SMIM36: variants seen among roughly 807,000 people sequenced by gnomAD.
SMIM36 encodes small integral membrane protein 36.
chr17:55,522,729 T>C, the SMIM36 span, among the ~76,000 whole-genome samples: 1 of 152,142 alleles, frequency 6.6e-6, no homozygotes, highest in Non-Finnish European at 1.5e-5. Context: ...GGCCACTCCT[T>C]TTCTCCTTTA....
chr17:55,472,754 G>A lies in SMIM36; in HGVS notation c.*348-5426C>T, dbSNP rs527323805. ...GGTGTGGTGGCGGACAACTGTCCCA[G>A]CTACTCGGGAGGCTGAGGCAGGAGA... is the stretch of plus-strand genomic sequence containing the variant. On this transcript the variant is annotated intron_variant, in intron 3 of 4. Coordinates refer to ENST00000636752, the Ensembl canonical transcript of SMIM36. Among the ~76,000 whole-genome samples the A allele has an allele frequency of 9.1e-4, 138 of 151,984 alleles. 1 individual carries two copies. Among genetic ancestry groups the A allele is most frequent in the South Asian group, 6.2e-4 (3 of 4,808 alleles).
chr17:55,464,876 T>C lies in SMIM36; in HGVS notation c.*531+2269A>G, dbSNP rs139162563. On this transcript the variant is annotated intron_variant, in intron 4 of 4. Coordinates refer to ENST00000636752, the Ensembl canonical transcript of SMIM36. The stretch of plus-strand genomic sequence containing the variant: ...GAGCAGGTGTGCCTTGTCTTAACAT[T>C]GTATCCATTCCAGTATCTTTAGTCC... 2.4e-3 allele frequency among the ~76,000 whole-genome samples: 368 copies of C among 152,376 alleles called. 3 individuals are homozygous for C. The highest frequency in any genetic ancestry group is 8.6e-3 in the African/African-American group (357 of 41,598).
At chr17:55,493,114 C>A (rs1309790538) in intron 1 of SMIM36, among the ~76,000 whole-genome samples, 1 of 152,218 alleles carries the variant, frequency 6.6e-6, no homozygotes, top group Non-Finnish European at 1.5e-5. Context: ...CCCTGATCAA[C>A]AACAATGCTG....
chr17:55,521,898 T>C, the SMIM36 span, among the ~76,000 whole-genome samples: 3 of 151,320 alleles, frequency 2.0e-5, no homozygotes, highest in African/African-American at 7.3e-5. Context: ...CCTCCCAACT[T>C]GATTAATGCA....
chr17:55,492,653 A>G (rs889677022), intron 1 of SMIM36, among the ~76,000 whole-genome samples: 5 of 151,992 alleles, frequency 3.3e-5, no homozygotes, highest in African/African-American at 9.7e-5. Flanking sequence ...AAAAACACAC[A>G]CACATCAATT....
At chr17:55,525,154 T>C in the SMIM36 span, among the ~76,000 whole-genome samples, 1 of 152,338 alleles carries the variant, frequency 6.6e-6, no homozygotes, top group Admixed American at 6.5e-5. Context: ...CAGAAGGCTT[T>C]CTTCTGTAAC....
chr17:55,482,733 T>C (rs1288905348), intron 1 of SMIM36, among the ~76,000 whole-genome samples: 1 of 152,186 alleles, frequency 6.6e-6, no homozygotes, highest in Non-Finnish European at 1.5e-5. Context: ...ATTGCTGACA[T>C]AGAGAATTAG....
At chr17:55,507,424 T>C (rs1041001210) in intron 1 of SMIM36, among the ~76,000 whole-genome samples, 3 of 128,754 alleles carry the variant, frequency 2.3e-5, no homozygotes, top group African/African-American at 9.3e-5. Context: ...TCATGTCCTT[T>C]GTAGGGACAT....
At chr17:55,474,326 C>T (rs926714952) in intron 3 of SMIM36, among the ~76,000 whole-genome samples, 11 of 152,192 alleles carry the variant, frequency 7.2e-5, no homozygotes, top group African/African-American at 2.4e-4. Flanking sequence ...AGCATCCCTG[C>T]AGGGGACTAC....
At chr17:55,524,680 T>TAAGG in the SMIM36 span, among the ~76,000 whole-genome samples, 1 of 152,140 alleles carries the variant, frequency 6.6e-6, no homozygotes. Flanking sequence ...TAAAAGTTTC[T>TAAGG]AAGGGTCCAG....
At chr17:55,496,311 G>C (rs781169175) in intron 1 of SMIM36, among the ~76,000 whole-genome samples, 1 of 152,110 alleles carries the variant, frequency 6.6e-6, no homozygotes. Context: ...AGGCCACCAG[G>C]CTGGCAATGC....
the SMIM36 span, among the ~76,000 whole-genome samples, chr17:55,521,762 T>C: frequency 6.6e-6 from 1 of 151,808 alleles, no homozygotes; most frequent in East Asian, 1.9e-4. Context: ...GAGAGGGAGG[T>C]GCAAGCACCA....
chr17:55,513,810 TGGA>T (rs554344977), upstream of SMIM36, among the ~76,000 whole-genome samples: 114 of 152,248 alleles, frequency 7.5e-4, no homozygotes, highest in African/African-American at 2.7e-3. Context: ...CTCTATTGAG[TGGA>T]GTTTTCATAT....
chr17:55,457,451 CAAAAAAA>C (rs1179896909), intron 4 of SMIM36, among the ~76,000 whole-genome samples: 4 of 61,658 alleles, frequency 6.5e-5, no homozygotes. Flanking sequence ...AACTCCGTCT[CAAAAAAA>C]AAAAAAAAAA....
chr17:55,470,148 G>A (rs986483540), intron 3 of SMIM36, among the ~76,000 whole-genome samples: 3 of 152,124 alleles, frequency 2.0e-5, no homozygotes, highest in Admixed American at 6.5e-5. Context: ...TGTCCCATCT[G>A]TGCAGGTCCC....
chr17:55,471,849 T>C (rs1909345474), intron 3 of SMIM36, among the ~76,000 whole-genome samples: 1 of 152,216 alleles, frequency 6.6e-6, no homozygotes, highest in African/African-American at 2.4e-5. Context: ...TGGGCTGGCC[T>C]CTGTGTCTGC....
chr17:55,483,175 A>G (rs573188658), intron 1 of SMIM36, among the ~76,000 whole-genome samples: 2 of 152,336 alleles, frequency 1.3e-5, no homozygotes, highest in African/African-American at 4.8e-5. Context: ...AGCTCTGTCT[A>G]GCGTGAAAAC....
Position 55,473,400 on chromosome 17 carries a change from C to T in SMIM36, c.*347+5362G>A, listed in dbSNP as rs568044201. 3.9e-5 allele frequency among the ~76,000 whole-genome samples: 6 copies of T among 152,280 alleles called. No homozygotes were observed. In the East Asian group the frequency reaches 1.2e-3, roughly 29 times the overall value. ...ACACCTCCACCAGATGGGTCGACGC[C>T]TTTCCCACTAGCTCCGAAAAGGCTA... On this transcript the variant is annotated intron_variant, in intron 3 of 4. Coordinates refer to ENST00000636752, the Ensembl canonical transcript of SMIM36.
the SMIM36 span, among the ~76,000 whole-genome samples, chr17:55,516,640 A>C: frequency 0.49 from 72,661 of 147,586 alleles, 17,975 homozygotes; most frequent in Middle Eastern, 0.52. Flanking sequence ...CTCACTGCAA[A>C]CTCCGCCTCC....
Sources: gnomAD v4.1 joint callset for allele counts (sites outside exome capture counted in the v4.1 genomes callset) on GRCh38, gnomAD v4.1.1 for gene constraint, MANE v1.5 for transcripts, NCBI Gene and HGNC (gene_info 2026-07-23, HGNC 2026-07-21) for gene names.